INTU: variants seen among roughly 807,000 people sequenced by gnomAD.
The protein encoded by INTU is protein inturned.
A neutral mutation model predicts 100.5 loss-of-function variants in INTU; 68 were observed. The observed-to-expected ratio is 0.68, with a 90% CI of 0.56 to 0.83. The LOEUF (loss-of-function observed/expected upper bound fraction) is 0.83, where lower values mean the gene tolerates loss of function less well. INTU is among the 40% of genes least tolerant of loss of function. The pLI is 0.00. For synonymous variants in INTU, 357 were observed against 395.7 expected, an observed-to-expected ratio of 0.90 and a Z score of 1.16; for missense variants, 1,071 against 1,114.7, an observed-to-expected ratio of 0.96 and a Z score of 0.56.
At chr4:127,700,819 G>A (rs1431476505) in intron 9 of INTU, among the ~76,000 whole-genome samples, 1 of 151,016 alleles carries the variant, frequency 6.6e-6, no homozygotes, top group African/African-American at 2.4e-5. Context: ...GAGAATATGA[G>A]GGCACTAACT....
chr4:127,690,386 G>A lies in INTU; in HGVS notation c.1449+2519G>A, dbSNP rs537591308. ...CTTTGGCTGCTTTTATCCTTGTTAC[G>A]TCTAACACTGCTGTGTGGAGATCAG... On this transcript the variant is annotated intron_variant, in intron 8 of 15. Transcript: ENST00000335251. 1.7e-3 allele frequency among the ~76,000 whole-genome samples: 262 copies of A among 152,090 alleles called. 2 individuals carry two copies. Among genetic ancestry groups the A allele is most frequent in the African/African-American group, 6.0e-3 (248 of 41,480 alleles).
At chr4:127,644,104 TAATGATGACACCTTGCGGGA>T (rs1727463000) in intron 2 of INTU, 48 bp downstream of exon 2, 1 of 1,542,208 alleles carries the variant, frequency 6.5e-7, no homozygotes, top group South Asian at 1.2e-5. Context: ...AGATCTTGAT[TAATGATGACACCTTGCGGGA>T]AATGTGATAA....
At chr4:127,709,482 C>A (rs1028041952) in intron 13 of INTU, among the ~76,000 whole-genome samples, 2 of 152,100 alleles carry the variant, frequency 1.3e-5, no homozygotes, top group Non-Finnish European at 2.9e-5. Context: ...GTAGGGAATT[C>A]TGAGGTAAAA....
chr4:127,708,007 A>G (rs1473168919), intron 12 of INTU, among the ~76,000 whole-genome samples: 1 of 152,172 alleles, frequency 6.6e-6, no homozygotes, highest in Non-Finnish European at 1.5e-5. Flanking sequence ...CTCATACCAA[A>G]CAATAGAATA....
intron 6 of INTU, among the ~76,000 whole-genome samples, chr4:127,676,532 G>C (rs6828511): frequency 1.3e-5 from 2 of 150,268 alleles, no homozygotes; most frequent in African/African-American, 4.9e-5. Context: ...GTTGCAGTTA[G>C]CTGTGATGCT....
chr4:127,703,101 T>G (rs186584350), intron 9 of INTU, among the ~76,000 whole-genome samples: 16 of 152,332 alleles, frequency 1.1e-4, no homozygotes, highest in Non-Finnish European at 2.2e-4. Context: ...AGGTAATTTT[T>G]GTGTCTGGCT....
intron 8 of INTU, among the ~76,000 whole-genome samples, chr4:127,690,884 C>T (rs1048487765): frequency 2.6e-5 from 4 of 152,026 alleles, no homozygotes; most frequent in Non-Finnish European, 5.9e-5. Context: ...CATTAGGGTT[C>T]ATTCTTGGTG....
At chr4:127,645,878 T>C (rs538925047) in intron 2 of INTU, among the ~76,000 whole-genome samples, 1 of 152,108 alleles carries the variant, frequency 6.6e-6, no homozygotes, top group East Asian at 2.0e-4. Context: ...GTTGTTGTTT[T>C]AAGCCTCAGA....
chr4:127,691,254 G>A (rs1578610843), intron 8 of INTU, among the ~76,000 whole-genome samples: 1 of 151,820 alleles, frequency 6.6e-6, no homozygotes, highest in South Asian at 2.1e-4. Context: ...TTATCCATTC[G>A]CTGAAAATCT....
chr4:127,676,782 G>A (rs1200309262), intron 6 of INTU, among the ~76,000 whole-genome samples: 3 of 152,180 alleles, frequency 2.0e-5, no homozygotes, highest in East Asian at 1.9e-4. Context: ...TGCCTGAGCC[G>A]AAGCAGGGAG....
At chr4:127,709,446 T>C (rs1731011382) in intron 13 of INTU, among the ~76,000 whole-genome samples, 1 of 152,116 alleles carries the variant, frequency 6.6e-6, no homozygotes, top group East Asian at 1.9e-4. Flanking sequence ...CTTTAGAAAA[T>C]AGGTATAATT....
At chr4:127,713,913 T>C in intron 14 of INTU, 23 bp from the exon 15 acceptor site, 1 of 1,545,522 alleles carries the variant, frequency 6.5e-7, no homozygotes, top group Non-Finnish European at 8.9e-7. Context: ...CAGTTAATAC[T>C]AACAATACCT....
chr4:127,633,185 G>C lies in INTU; in HGVS notation c.146+5G>C. 6.2e-7 allele frequency: 1 copy of C among 1,611,736 alleles called. No homozygotes were observed. The highest frequency in any genetic ancestry group is 8.5e-7 in the Non-Finnish European group (1 of 1,178,078). ...CTCAGCGAGTAGCGATTATGAGTAAGGTTTTCAAAGAGGGACAATTAATCC... is the reference window on the plus strand; with the variant it reads ...CTCAGCGAGTAGCGATTATGAGTAACGTTTTCAAAGAGGGACAATTAATCC... On this transcript the variant is annotated splice_donor_5th_base_variant and intron_variant, in intron 1 of 15. Transcript: ENST00000335251.
intron 2 of INTU, among the ~76,000 whole-genome samples, chr4:127,647,871 A>G (rs891324723): frequency 2.6e-5 from 4 of 152,162 alleles, no homozygotes; most frequent in Admixed American, 2.6e-4. Context: ...TTTTATATAT[A>G]GTATAAACAC....
At chr4:127,690,755 C>T (rs1195184832) in intron 8 of INTU, among the ~76,000 whole-genome samples, 1 of 152,066 alleles carries the variant, frequency 6.6e-6, no homozygotes, top group Admixed American at 6.6e-5. Context: ...TACCCCCTTC[C>T]CCCATACATC....
chr4:127,677,464 C>A (rs970664515), intron 6 of INTU, among the ~76,000 whole-genome samples: 1 of 150,812 alleles, frequency 6.6e-6, no homozygotes, highest in African/African-American at 2.5e-5. Context: ...GTTCTGCAGC[C>A]ACCGCTGCTG....
At position 127,710,941 on chromosome 4, in the gene INTU, T is replaced by C; in HGVS notation, c.2398T>C (p.Phe800Leu). Residue 800 changes from phenylalanine (F) to leucine (L), a missense_variant, in exon 14 of 16, where the codon TTC becomes CTC. Phe to Leu is a conservative substitution (Grantham distance 22). Transcript: ENST00000335251. ...KLTSGPENTL[F>L]HYVALETVQG... ...GACATCTGGTCCTGAGAACACACTT[T>C]TCCACTACGTTGCCTTAGAAACAGT... The C allele has an allele frequency of 6.6e-7, 1 of 1,516,862 alleles. No individual in the cohort carries two copies. Among genetic ancestry groups the C allele is most frequent in the Non-Finnish European group, 9.0e-7 (1 of 1,116,948 alleles). The allele number at this position is 1,516,862 out of a possible 1,614,324, so 94.0% of individuals were successfully genotyped here.
intron 3 of INTU, 60 bp from the exon 4 acceptor site, chr4:127,663,321 T>C: frequency 7.9e-7 from 1 of 1,267,336 alleles, no homozygotes; most frequent in South Asian, 1.3e-5. Flanking sequence ...TCCTTCATTG[T>C]GAAAACTGCA....
rs1429371205 is a variant in INTU, at chr4:127,705,705, A to T, written c.1681A>T (p.Ile561Leu). ...AAKQRIGQLI[I>L]WREVFPQHHL... ...AAAACAAAGAATTGGTCAGTTGATC[A>T]TATGGAGAGAAGTGTTTCCTCAGCA... The change falls in exon 11 of 16, where the codon ATA becomes TTA. Residue 561 changes from isoleucine (I) to leucine (L), a missense_variant. By Grantham distance (5) the Ile-to-Leu change is conservative. Transcript: ENST00000335251. 6.2e-7 allele frequency: 1 copy of T among 1,613,954 alleles called. No homozygotes were observed. The highest frequency in any genetic ancestry group is 8.5e-7 in the Non-Finnish European group (1 of 1,179,954).
Sources: gnomAD v4.1 joint callset for allele counts (sites outside exome capture counted in the v4.1 genomes callset) on GRCh38, gnomAD v4.1.1 for gene constraint, MANE v1.5 for transcripts, NCBI Gene and HGNC (gene_info 2026-07-23, HGNC 2026-07-21) for gene names.